Variants in ANKS1A observed in about 807,000 individuals in gnomAD.
The protein encoded by ANKS1A is ankyrin repeat and sterile alpha motif domain containing 1A.
A neutral mutation model predicts 120.3 loss-of-function variants in ANKS1A; 55 were observed. That is an observed-to-expected ratio of 0.46 (90% CI 0.37 to 0.57). ANKS1A has a LOEUF of 0.57. ANKS1A is among the 20% of genes least tolerant of loss of function. The pLI is 0.00. For synonymous variants in ANKS1A, 590 were observed against 604.7 expected (o/e 0.98, Z 0.36); for missense variants, 1,123 against 1,480.3 (o/e 0.76, Z 3.96).
chr6:35,031,383 A>T (rs894793803), intron 11 of ANKS1A, among the ~76,000 whole-genome samples: 2 of 152,158 alleles, frequency 1.3e-5, no homozygotes, highest in Non-Finnish European at 2.9e-5. Flanking sequence ...CTATGACCTT[A>T]ATTTGCAGGT....
intron 9 of ANKS1A, among the ~76,000 whole-genome samples, chr6:34,990,855 G>T (rs1772467259): frequency 1.3e-5 from 2 of 152,236 alleles, no homozygotes; most frequent in South Asian, 4.1e-4. Context: ...TTGGAAGATG[G>T]TGAAACACTG....
downstream of ANKS1A, chr6:35,091,533 G>C (rs528182284): frequency 1.1e-5 from 7 of 637,670 alleles, no homozygotes; most frequent in Non-Finnish European, 1.4e-5. Flanking sequence ...CTGAGATGAC[G>C]ACAGCTTGGC....
intron 1 of ANKS1A, among the ~76,000 whole-genome samples, chr6:34,935,367 G>C (rs985873647): frequency 6.6e-6 from 1 of 152,210 alleles, no homozygotes; most frequent in Non-Finnish European, 1.5e-5. Context: ...GATTACAGGC[G>C]TGAGCCACTT....
intron 11 of ANKS1A, among the ~76,000 whole-genome samples, chr6:35,048,453 G>A (rs1775822288): frequency 6.6e-6 from 1 of 152,136 alleles, no homozygotes; most frequent in Non-Finnish European, 1.5e-5. Flanking sequence ...CTCATTCCCT[G>A]CCATGCGCCT....
rs1482527662 is a variant in ANKS1A at position 35,090,687 on chromosome 6, A to ATAAC, written c.*2080_*2083dup. ...GTCTCCCTTTCCTAGAAAGGTTATTATAACTTTAAGGACAGGCTTCAAGTG... is the reference window on the plus strand; with the variant it reads ...GTCTCCCTTTCCTAGAAAGGTTATTATAACTAACTTTAAGGACAGGCTTCAAGTG... On this transcript the variant is annotated 3_prime_UTR_variant, in exon 24 of 24. Transcript: ENST00000360359. The ATAAC allele has an allele frequency of 3.0e-6, 3 of 989,002 alleles. No individual in the cohort carries two copies. Among genetic ancestry groups the ATAAC allele is most frequent in the Non-Finnish European group, 1.2e-6 (1 of 832,378 alleles). The allele number at this position is 989,002 out of a possible 1,614,324, so 61.3% of individuals were successfully genotyped here.
In ANKS1A at chr6:35,001,365, A is replaced by C. The variant is rs530331424; in HGVS notation, c.1423+6943A>C. Among the ~76,000 whole-genome samples, 183 of 152,364 alleles carry C rather than the reference A, an allele frequency of 1.2e-3. 1 individual carries two copies. The highest frequency in any genetic ancestry group is 6.8e-3 in the Middle Eastern group (2 of 294). ...AATGGATCAAATATTCCATCTGCAC[A>C]TTAAACAAAAGCAATTGTTATGCTT... On this transcript the variant is annotated intron_variant, in intron 10 of 23. Coordinates refer to ENST00000360359, the MANE Select transcript of ANKS1A (RefSeq NM_015245.3).
At chr6:34,910,686 C>G (rs1206235402) in intron 1 of ANKS1A, among the ~76,000 whole-genome samples, 1 of 151,792 alleles carries the variant, frequency 6.6e-6, no homozygotes, top group Non-Finnish European at 1.5e-5. Flanking sequence ...CATGGTGAAA[C>G]CTCGTCTCTA....
intron 1 of ANKS1A, among the ~76,000 whole-genome samples, chr6:34,890,147 A>G (rs1766734438): frequency 6.6e-6 from 1 of 151,244 alleles, no homozygotes. Flanking sequence ...GCTGGAGTGC[A>G]GTGGCGCGAT....
intron 13 of ANKS1A, among the ~76,000 whole-genome samples, chr6:35,066,692 G>T (rs922558163): frequency 6.6e-6 from 1 of 152,192 alleles, no homozygotes; most frequent in African/African-American, 2.4e-5. Flanking sequence ...TTAGGAACTG[G>T]TAACACTTGA....
chr6:34,980,217 G>A (rs933636710), intron 3 of ANKS1A, among the ~76,000 whole-genome samples: 19 of 152,274 alleles, frequency 1.2e-4, no homozygotes, highest in South Asian at 1.0e-3. Context: ...GAAGGCTGTT[G>A]GCACTTTCCT....
At chr6:34,996,395 G>T (rs1772855195) in intron 10 of ANKS1A, among the ~76,000 whole-genome samples, 1 of 151,900 alleles carries the variant, frequency 6.6e-6, no homozygotes, top group Non-Finnish European at 1.5e-5. Context: ...TGCCTTAACA[G>T]TGTCTTTTGA....
downstream of ANKS1A, among the ~76,000 whole-genome samples, chr6:35,096,221 T>C (rs1309728205): frequency 6.6e-6 from 1 of 152,200 alleles, no homozygotes; most frequent in Non-Finnish European, 1.5e-5. Context: ...CTTTGGTGAG[T>C]TGTTTTTCAC....
chr6:34,991,968 G>C (rs920582073), intron 9 of ANKS1A, among the ~76,000 whole-genome samples: 27 of 152,114 alleles, frequency 1.8e-4, no homozygotes, highest in Admixed American at 1.8e-3. Flanking sequence ...AGCTAGGAAG[G>C]CTCAAAGAAA....
At chr6:34,968,570 T>A (rs558030147) in intron 2 of ANKS1A, among the ~76,000 whole-genome samples, 178 of 152,290 alleles carry the variant, frequency 1.2e-3, no homozygotes, top group African/African-American at 4.1e-3. Flanking sequence ...CCTGAGTAGC[T>A]GGGATTACAG....
intron 3 of ANKS1A, among the ~76,000 whole-genome samples, chr6:34,978,300 A>G (rs1007556943): frequency 4.5e-4 from 69 of 152,122 alleles, no homozygotes; most frequent in African/African-American, 1.7e-3. Flanking sequence ...TTTGTGCAAA[A>G]GCATTGGGGG....
intron 1 of ANKS1A, among the ~76,000 whole-genome samples, chr6:34,912,723 C>A (rs1767965515): frequency 6.6e-6 from 1 of 152,080 alleles, no homozygotes; most frequent in Non-Finnish European, 1.5e-5. Context: ...AGTAGGGATT[C>A]TTTGATACTG....
At chr6:34,948,782 C>G (rs1040123121) in intron 1 of ANKS1A, among the ~76,000 whole-genome samples, 43 of 152,206 alleles carry the variant, frequency 2.8e-4, no homozygotes, top group Admixed American at 2.8e-3. Context: ...TTTTGTTTAT[C>G]TGTCCACTGG....
At chr6:34,998,058 A>G (rs1017376529) in intron 10 of ANKS1A, among the ~76,000 whole-genome samples, 3 of 152,226 alleles carry the variant, frequency 2.0e-5, no homozygotes, top group Non-Finnish European at 2.9e-5. Context: ...TTCAGACAAA[A>G]TACCTGAGAC....
At chr6:35,006,492 C>T (rs958654310) in intron 10 of ANKS1A, among the ~76,000 whole-genome samples, 6 of 151,564 alleles carry the variant, frequency 4.0e-5, no homozygotes, top group African/African-American at 1.5e-4. Context: ...TGGTGGCTCA[C>T]GCCTGTAATC....
Sources: allele counts gnomAD v4.1 joint callset (sites outside exome capture counted in the v4.1 genomes callset), GRCh38; gene constraint gnomAD v4.1.1; transcripts MANE v1.5; gene names NCBI Gene and HGNC (gene_info 2026-07-23, HGNC 2026-07-21).